Variants in CACNA2D3 observed in about 807,000 individuals in gnomAD.
CACNA2D3 encodes the protein voltage-dependent calcium channel subunit alpha-2/delta-3.
A neutral mutation model predicts 160.6 loss-of-function variants in CACNA2D3; 60 were observed. That is an observed-to-expected ratio of 0.37 (90% CI 0.30 to 0.46). CACNA2D3 has a LOEUF of 0.46. Ranked by LOEUF, CACNA2D3 falls within the 20% of genes least tolerant of loss-of-function variation. CACNA2D3 has a pLI of 1.00. For synonymous variants in CACNA2D3, 558 were observed against 492.9 expected (o/e 1.13, Z -1.75); for missense variants, 1,205 against 1,365.0 (o/e 0.88, Z 1.85).
At chr3:54,420,747 A>T (rs1019112386) in intron 4 of CACNA2D3, among the ~76,000 whole-genome samples, 2 of 152,226 alleles carry the variant, frequency 1.3e-5, no homozygotes, top group African/African-American at 2.4e-5. Context: ...AGTTAAATAA[A>T]TTACCAAAAG....
At chr3:54,240,137 C>T (rs139452076) in intron 2 of CACNA2D3, among the ~76,000 whole-genome samples, 29 of 152,178 alleles carry the variant, frequency 1.9e-4, no homozygotes, top group East Asian at 5.8e-4. Flanking sequence ...GGGCTCTCTA[C>T]GTAAGAGGGA....
At chr3:54,490,600 A>G (rs1239169351) in intron 4 of CACNA2D3, among the ~76,000 whole-genome samples, 1 of 152,112 alleles carries the variant, frequency 6.6e-6, no homozygotes, top group Non-Finnish European at 1.5e-5. Context: ...TTGACTGAGG[A>G]CCTCTGGGCA....
At chr3:54,451,360 C>T (rs1700305817) in intron 4 of CACNA2D3, among the ~76,000 whole-genome samples, 1 of 141,748 alleles carries the variant, frequency 7.1e-6, no homozygotes, top group African/African-American at 2.6e-5. Context: ...AGAGATTTTC[C>T]TGCCTCAGCC....
intron 9 of CACNA2D3, among the ~76,000 whole-genome samples, chr3:54,600,970 G>A (rs75310249): frequency 0.027 from 4,045 of 152,098 alleles, 77 homozygotes; most frequent in African/African-American, 0.057. Flanking sequence ...TTCTTGTGAC[G>A]TCCAGATCAT....
At chr3:54,621,757 C>A (rs181730072) in intron 9 of CACNA2D3, among the ~76,000 whole-genome samples, 8 of 152,244 alleles carry the variant, frequency 5.3e-5, no homozygotes, top group African/African-American at 1.9e-4. Context: ...TTTGAGAAAA[C>A]CTGGCCCTCG....
chr3:54,822,689 GCT>G (rs1470937355), intron 14 of CACNA2D3, among the ~76,000 whole-genome samples: 2 of 151,698 alleles, frequency 1.3e-5, no homozygotes, highest in African/African-American at 2.4e-5. Flanking sequence ...GGGTCATGGA[GCT>G]CTGTTTGGAA....
intron 3 of CACNA2D3, among the ~76,000 whole-genome samples, chr3:54,365,415 A>G (rs111516417): frequency 3.2e-4 from 48 of 152,222 alleles, no homozygotes; most frequent in African/African-American, 1.0e-3. Flanking sequence ...AAGCCATTCA[A>G]CAAATGTGTG....
At chr3:54,739,435 A>AC (rs1701598742) in intron 11 of CACNA2D3, among the ~76,000 whole-genome samples, 1 of 148,924 alleles carries the variant, frequency 6.7e-6, no homozygotes. Context: ...CAAAAAAAAA[A>AC]AAAAAACAAA....
chr3:54,161,940 C>T (rs115350266), intron 2 of CACNA2D3, among the ~76,000 whole-genome samples: 1,803 of 152,274 alleles, frequency 0.012, 37 homozygotes, highest in African/African-American at 0.041. Flanking sequence ...AGCTCATAAT[C>T]TGGTTTCACA....
At position 54,752,598 on chromosome 3, in the gene CACNA2D3, G is replaced by C; in HGVS notation, c.1168-1G>C. 1 of 1,612,586 alleles carries C rather than the reference G, an allele frequency of 6.2e-7. No individual in the cohort carries two copies. The highest frequency in any genetic ancestry group is 8.5e-7 in the Non-Finnish European group (1 of 1,179,158). ...CAGCCATGCGTTTGTCTTCCCTTCA[G>C]GTTCGCATCTTCACATACCTCATTG... On this transcript the variant is annotated splice_acceptor_variant, in intron 11 of 37. Transcript: ENST00000474759. LOFTEE classifies it high-confidence loss of function.
At chr3:55,060,914 C>G (rs893233200) in intron 35 of CACNA2D3, among the ~76,000 whole-genome samples, 2 of 152,180 alleles carry the variant, frequency 1.3e-5, no homozygotes, top group Non-Finnish European at 2.9e-5. Flanking sequence ...GGGTTTCTCT[C>G]CCATATTTCA....
intron 2 of CACNA2D3, among the ~76,000 whole-genome samples, chr3:54,231,321 C>T (rs1385463309): frequency 1.3e-5 from 2 of 152,180 alleles, no homozygotes; most frequent in Non-Finnish European, 2.9e-5. Flanking sequence ...CCTCACTCTG[C>T]CAGCTAATTT....
At chr3:54,795,741 A>G (rs1248712346) in intron 13 of CACNA2D3, among the ~76,000 whole-genome samples, 1 of 152,210 alleles carries the variant, frequency 6.6e-6, no homozygotes, top group Non-Finnish European at 1.5e-5. Flanking sequence ...GTTTGGGCCC[A>G]AGAGCCACTG....
chr3:54,523,655 A>T (rs1186838361), intron 5 of CACNA2D3, among the ~76,000 whole-genome samples: 1 of 151,868 alleles, frequency 6.6e-6, no homozygotes, highest in Non-Finnish European at 1.5e-5. Flanking sequence ...TTCTTTTTGG[A>T]TAGCTTTTTA....
At position 54,750,686 on chromosome 3, in the gene CACNA2D3, G is replaced by A. The variant is rs542005374; in HGVS notation, c.1168-1913G>A. Among the ~76,000 whole-genome samples the A allele has an allele frequency of 8.0e-5, 12 of 150,276 alleles. No homozygotes were observed. In the South Asian group the frequency reaches 2.3e-3, roughly 29 times the overall value. ...AGAGATTCTCAGTTAAGTGCCGACA[G>A]TGGACAGGCAGAGAAAGTGAACGGG... On this transcript the variant is annotated intron_variant, in intron 11 of 37. Coordinates refer to ENST00000474759, the MANE Select transcript of CACNA2D3 (RefSeq NM_018398.3).
chr3:54,965,765 G>A (rs572753038), intron 27 of CACNA2D3, among the ~76,000 whole-genome samples: 38 of 152,304 alleles, frequency 2.5e-4, no homozygotes, highest in African/African-American at 8.9e-4. Flanking sequence ...TCAGCTAGCC[G>A]GAACACAGCT....
chr3:54,559,009 G>A lies in CACNA2D3; in HGVS notation c.545-3791G>A, dbSNP rs147419917. The stretch of plus-strand genomic sequence containing the variant: ...AGTAAGCACCACGCCTATACCCCGG[G>A]AAGGACCCAGTGAAAGTTTCTCCTC... On this transcript the variant is annotated intron_variant, in intron 5 of 37. Coordinates refer to ENST00000474759, the MANE Select transcript of CACNA2D3 (RefSeq NM_018398.3). Among the ~76,000 whole-genome samples, 1,147 of 152,180 alleles carry A rather than the reference G, an allele frequency of 7.5e-3. 4 individuals carry two copies. Among genetic ancestry groups the A allele is most frequent in the Non-Finnish European group, 0.012 (838 of 68,012 alleles).
At chr3:54,963,504 A>G (rs1702078702) in intron 27 of CACNA2D3, among the ~76,000 whole-genome samples, 1 of 152,226 alleles carries the variant, frequency 6.6e-6, no homozygotes, top group South Asian at 2.1e-4. Flanking sequence ...TAAATTGTGA[A>G]TATTATTTAA....
At chr3:54,790,741 T>A (rs919153347) in intron 13 of CACNA2D3, among the ~76,000 whole-genome samples, 11 of 152,276 alleles carry the variant, frequency 7.2e-5, no homozygotes, top group Non-Finnish European at 1.3e-4. Flanking sequence ...AGCCTGATCA[T>A]GCTTGAGCCT....
Sources: gnomAD v4.1 joint callset for allele counts (sites outside exome capture counted in the v4.1 genomes callset) on GRCh38, gnomAD v4.1.1 for gene constraint, MANE v1.5 for transcripts, NCBI Gene and HGNC (gene_info 2026-07-23, HGNC 2026-07-21) for gene names.